The following OCA2 variants were observed in gnomAD, a reference collection of about 807,000 sequenced individuals.
OCA2 encodes OCA2 melanosomal transmembrane protein, also known as P protein.
OCA2 carries 77 observed loss-of-function variants against 100.2 expected under a neutral mutation model. The ratio of observed to expected loss-of-function variants is 0.77; its 90% CI spans 0.64 to 0.93. The LOEUF (loss-of-function observed/expected upper bound fraction) is 0.93. OCA2 is among the 40% of genes least tolerant of loss of function. The pLI, the probability that OCA2 is intolerant of heterozygous loss-of-function variation, is 0.00. For synonymous variants in OCA2, 432 were observed against 439.2 expected (o/e 0.98, Z 0.21); for missense variants, 1,062 against 1,089.1 (o/e 0.98, Z 0.35).
chr15:27,842,295 A>C (rs2035370159), intron 23 of OCA2, among the ~76,000 whole-genome samples: 1 of 152,214 alleles, frequency 6.6e-6, no homozygotes, highest in Non-Finnish European at 1.5e-5. Context: ...AAAACACACC[A>C]AATTACGATC....
intron 19 of OCA2, among the ~76,000 whole-genome samples, chr15:27,882,020 T>TC (rs1006391738): frequency 1.3e-5 from 2 of 152,182 alleles, no homozygotes; most frequent in Non-Finnish European, 2.9e-5. Flanking sequence ...TGCTGTAAAT[T>TC]CCCCTCTTAC....
the OCA2 span, among the ~76,000 whole-genome samples, chr15:27,740,414 G>T: frequency 1.3e-5 from 2 of 152,034 alleles, no homozygotes; most frequent in Non-Finnish European, 2.9e-5. Flanking sequence ...CCTGACCATC[G>T]CCCCTGGGAG....
intron 9 of OCA2, among the ~76,000 whole-genome samples, chr15:28,009,247 T>C (rs1426270266): frequency 1.1e-4 from 17 of 152,200 alleles, no homozygotes; most frequent in Admixed American, 9.8e-4. Context: ...AAGGTCAGTG[T>C]TGGGTTTTCA....
At chr15:27,859,236 C>G (rs1004738930) in intron 21 of OCA2, among the ~76,000 whole-genome samples, 2 of 151,962 alleles carry the variant, frequency 1.3e-5, no homozygotes, top group Non-Finnish European at 2.9e-5. Flanking sequence ...AAACCAAAAG[C>G]TGATTCCTTG....
At chr15:27,760,155 G>A (rs1429963844) in intron 23 of OCA2, among the ~76,000 whole-genome samples, 1 of 151,844 alleles carries the variant, frequency 6.6e-6, no homozygotes, top group African/African-American at 2.4e-5. Flanking sequence ...ATAATTCATA[G>A]ATCCAAGAGA....
At chr15:27,881,727 A>AT (rs879251938) in intron 19 of OCA2, among the ~76,000 whole-genome samples, 1 of 151,966 alleles carries the variant, frequency 6.6e-6, no homozygotes, top group African/African-American at 2.4e-5. Flanking sequence ...CCTCTTTATC[A>AT]TTTTTTTATT....
intron 23 of OCA2, among the ~76,000 whole-genome samples, chr15:27,799,569 A>AC (rs2033499303): frequency 6.6e-6 from 1 of 151,998 alleles, no homozygotes; most frequent in East Asian, 1.9e-4. Context: ...ACATCGTGAA[A>AC]TCCCATCTCT....
chr15:27,883,462 C>T (rs1016761195), intron 19 of OCA2, among the ~76,000 whole-genome samples: 1 of 152,144 alleles, frequency 6.6e-6, no homozygotes, highest in African/African-American at 2.4e-5. Flanking sequence ...CTTTTCTTGC[C>T]AATATCTAAA....
intron 14 of OCA2, among the ~76,000 whole-genome samples, chr15:27,968,337 G>A (rs898169563): frequency 4.9e-5 from 7 of 142,526 alleles, no homozygotes; most frequent in African/African-American, 1.8e-4. Context: ...GACAATGCAC[G>A]ACCATGGGGA....
chr15:27,866,110 G>A (rs1203171082), intron 21 of OCA2, among the ~76,000 whole-genome samples: 1 of 152,204 alleles, frequency 6.6e-6, no homozygotes, highest in African/African-American at 2.4e-5. Flanking sequence ...CAGAGGGCAG[G>A]CCATCGTACC....
rs180849025 is a variant in OCA2 at position 27,903,307 on chromosome 15, C to T, written c.2079+22820G>A. 5.3e-3 allele frequency among the ~76,000 whole-genome samples: 810 copies of T among 152,266 alleles called. 11 individuals are homozygous for T. The highest frequency in any genetic ancestry group is 0.018 in the African/African-American group (768 of 41,586). ...CTCCGAAACCCCAAGCCCGCCACGGCGGTGCTTCCGCGGGCCCACAGCTGC... is the reference window on the plus strand; with the variant it reads ...CTCCGAAACCCCAAGCCCGCCACGGTGGTGCTTCCGCGGGCCCACAGCTGC... On this transcript the variant is annotated intron_variant, in intron 19 of 23. Coordinates refer to ENST00000354638, the MANE Select transcript of OCA2 (RefSeq NM_000275.3).
At chr15:27,986,498 T>TAAATGTTTGTTTC in intron 12 of OCA2, 89 bp downstream of exon 12, 1 of 928,930 alleles carries the variant, frequency 1.1e-6, no homozygotes, top group South Asian at 1.4e-5. Context: ...ATGTTTGTTT[T>TAAATGTTTGTTTC]AAATGTTTGT....
chr15:27,979,509 T>C (rs1327331653), intron 14 of OCA2, among the ~76,000 whole-genome samples: 5 of 152,200 alleles, frequency 3.3e-5, no homozygotes, highest in Admixed American at 3.3e-4. Context: ...CTTTTGCCTT[T>C]TTTCTAAATT....
intron 23 of OCA2, among the ~76,000 whole-genome samples, chr15:27,834,184 T>C (rs183865733): frequency 2.4e-4 from 37 of 152,188 alleles, no homozygotes; most frequent in East Asian, 1.9e-3. Flanking sequence ...GGGCTGGAGA[T>C]TGAGCCAATC....
chr15:27,915,575 A>G (rs2038636224), intron 19 of OCA2, among the ~76,000 whole-genome samples: 1 of 151,934 alleles, frequency 6.6e-6, no homozygotes, highest in Admixed American at 6.5e-5. Context: ...TCAAAAGAAG[A>G]CATACACATG....
At chr15:27,842,301 C>T (rs8037225) in intron 23 of OCA2, among the ~76,000 whole-genome samples, 15,040 of 152,168 alleles carry the variant, frequency 0.099, 1,714 homozygotes, top group African/African-American at 0.27. Context: ...CACCAAATTA[C>T]GATCAGTGGC....
At chr15:27,824,856 G>T (rs2034657597) in intron 23 of OCA2, among the ~76,000 whole-genome samples, 1 of 151,720 alleles carries the variant, frequency 6.6e-6, no homozygotes, top group African/African-American at 2.4e-5. Flanking sequence ...GGCCTCCGTG[G>T]ATGCCAACAG....
At chr15:27,975,780 T>C (rs1374609610) in intron 14 of OCA2, among the ~76,000 whole-genome samples, 1 of 152,226 alleles carries the variant, frequency 6.6e-6, no homozygotes, top group African/African-American at 2.4e-5. Context: ...AATTTCTGTA[T>C]AAATTTTAGA....
At chr15:27,965,238 C>G (rs1303115805) in intron 15 of OCA2, among the ~76,000 whole-genome samples, 2 of 152,192 alleles carry the variant, frequency 1.3e-5, no homozygotes, top group African/African-American at 4.8e-5. Context: ...CTCCTTCACT[C>G]TCCCTTAGTT....
Sources: gnomAD v4.1 joint callset for allele counts (sites outside exome capture counted in the v4.1 genomes callset) on GRCh38, gnomAD v4.1.1 for gene constraint, MANE v1.5 for transcripts, NCBI Gene and HGNC (gene_info 2026-07-23, HGNC 2026-07-21) for gene names.